The following SLC35C1 variants were observed in gnomAD, a reference collection of about 807,000 sequenced individuals.
SLC35C1 encodes the protein GDP-fucose transporter 1.
A neutral mutation model predicts 23.2 loss-of-function variants in SLC35C1; 8 were observed. The observed-to-expected ratio is 0.35, with a 90% CI of 0.20 to 0.62. SLC35C1 has a LOEUF of 0.62. Ranked by LOEUF, SLC35C1 falls within the 20% of genes least tolerant of loss-of-function variation. The probability of loss-of-function intolerance (pLI) is 0.75; values close to 1 mark genes in which losing one functional copy is unlikely to be tolerated. For missense variants in SLC35C1, 422 were observed against 478.6 expected (o/e 0.88, Z 1.10); for synonymous variants, 226 against 225.1 (o/e 1.00, Z -0.04).
Position 45,805,457 on chromosome 11 carries a change from C to T in SLC35C1, c.-345C>T. On this transcript the variant is annotated 5_prime_UTR_variant, in exon 1 of 2. Transcript: ENST00000314134. ...ACTCCTGCCCCGCCCTGCCATTCCT[C>T]TCCCCTCCCTTCTCTCTGCGACCCC... is the stretch of plus-strand genomic sequence containing the variant. The T allele has an allele frequency of 1.7e-6, 2 of 1,169,194 alleles. No homozygotes were observed. The highest frequency in any genetic ancestry group is 2.3e-5 in the South Asian group (1 of 43,840). 72.4% of individuals were successfully genotyped at this position (1,169,194 alleles called of 1,614,324 possible).
At position 45,811,164 on chromosome 11, in the gene SLC35C1, A is replaced by G. The variant is rs1489703407; in HGVS notation, c.924A>G (p.Thr308=). ...VSGTAKACAQ[T]VLAVLYYEET... ...GCACGGCCAAGGCCTGTGCCCAGAC[A>G]GTGCTGGCCGTGCTCTACTACGAGG... The change falls in exon 2 of 2, where the codon ACA becomes ACG. Residue 308 remains threonine, a synonymous_variant. Transcript: ENST00000314134. The G allele has an allele frequency of 2.5e-6, 4 of 1,611,826 alleles. No homozygotes were observed. The Admixed American group carries it at 6.7e-5, about 27-fold the overall frequency.
At position 45,805,602 on chromosome 11, in the gene SLC35C1, T is replaced by A. The variant is rs2085861187; in HGVS notation, c.-200T>A. 1 of 1,463,854 alleles carries A rather than the reference T, an allele frequency of 6.8e-7. No homozygotes were observed. Among genetic ancestry groups the A allele is most frequent in the Non-Finnish European group, 9.0e-7 (1 of 1,108,486 alleles). 90.7% of individuals were successfully genotyped at this position (1,463,854 alleles called of 1,614,324 possible). A position where few individuals can be genotyped will look rare whatever the true frequency, so the allele number is the denominator to read the frequency against. ...TCTCAGAGCCCCCTCGGGGTGGGAG[T>A]AGGTTGTGGAGCAGCACAACTGGGC... On this transcript the variant is annotated 5_prime_UTR_variant, in exon 1 of 2. It removes the in-frame stop codon of an upstream open reading frame in the 5' UTR. Transcript: ENST00000314134.
Position 45,806,341 on chromosome 11 carries a change from G to C in SLC35C1, c.535+5G>C. ...TCACCTGCGGTATCATCATCGGTGA[G>C]TGGCAGCTGGGGCCACGGGGGATAG... On this transcript the variant is annotated splice_donor_5th_base_variant and intron_variant, in intron 1 of 1. Transcript: ENST00000314134. 1 of 1,612,200 alleles carries C rather than the reference G, an allele frequency of 6.2e-7. No homozygotes were observed. The highest frequency in any genetic ancestry group is 8.5e-7 in the Non-Finnish European group (1 of 1,179,956).
upstream of SLC35C1, chr11:45,804,235 AC>A (rs1477397994): frequency 6.5e-6 from 1 of 152,916 alleles, no homozygotes. Flanking sequence ...TCCTCCCACG[AC>A]CGTCCGGATC....
chr11:45,812,903 C>T lies in SLC35C1; in HGVS notation c.*1568C>T, dbSNP rs150704136. The T allele has an allele frequency of 1.7e-3, 526 of 306,204 alleles. 4 individuals carry two copies. The highest frequency in any genetic ancestry group is 0.011 in the African/African-American group (492 of 46,416). 19.0% of individuals were successfully genotyped at this position (306,204 alleles called of 1,614,324 possible). On this transcript the variant is annotated 3_prime_UTR_variant, in exon 2 of 2. Coordinates refer to ENST00000314134, the MANE Select transcript of SLC35C1 (RefSeq NM_018389.5). The stretch of plus-strand genomic sequence containing the variant: ...CTATATAGTGAAAAGCTAGGGAGAG[C>T]GGGTCTTCTCCCCCCTCCCTCTCCA...
intron 1 of SLC35C1, chr11:45,806,953 C>T (rs2085884672): frequency 3.8e-5 from 37 of 963,380 alleles, no homozygotes; most frequent in Non-Finnish European, 4.4e-5. Flanking sequence ...CTTTGAGAGG[C>T]CTCAGCTGTC....
upstream of SLC35C1, chr11:45,805,079 G>T: frequency 3.0e-6 from 3 of 985,798 alleles, no homozygotes; most frequent in South Asian, 4.7e-5. Flanking sequence ...GGCGGGGCGT[G>T]CGGGCCCTTT....
Position 45,805,190 on chromosome 11 carries a change from C to A in SLC35C1, c.-612C>A. On this transcript the variant is annotated 5_prime_UTR_variant, in exon 1 of 2. Transcript: ENST00000314134. ...CTCCTGGGCTGAGCCGGCGACAGAG[C>A]CCGGGAAGGCAGCGAGACGTGGGCG... 1.0e-6 allele frequency: 1 copy of A among 991,678 alleles called. No individual in the cohort carries two copies. Among genetic ancestry groups the A allele is most frequent in the Non-Finnish European group, 1.2e-6 (1 of 833,254 alleles). 61.4% of individuals were successfully genotyped at this position (991,678 alleles called of 1,614,324 possible). A position where few individuals can be genotyped will look rare whatever the true frequency, so the allele number is the denominator to read the frequency against.
chr11:45,805,017 G>C, upstream of SLC35C1: 1 of 985,812 alleles, frequency 1.0e-6, no homozygotes. Context: ...CGCAGGGGCG[G>C]GGCTGGGGAC....
chr11:45,809,888 C>G, intron 1 of SLC35C1: 1 of 985,424 alleles, frequency 1.0e-6, no homozygotes, highest in Non-Finnish European at 1.2e-6. Context: ...CCAGAGCAGG[C>G]AAGGGGCTTT....
chr11:45,810,813 A>G lies in SLC35C1; in HGVS notation c.573A>G (p.Glu191=), dbSNP rs1312871956. ...FWLGVDQEGA[E]GTLSWLGTVF... Reference sequence around the variant, plus strand: ...TTGGTGTGGACCAGGAGGGGGCAGAAGGCACCCTGTCGTGGCTGGGCACCG... The same window carrying G: ...TTGGTGTGGACCAGGAGGGGGCAGAGGGCACCCTGTCGTGGCTGGGCACCG... The change falls in exon 2 of 2, where the codon GAA becomes GAG. Residue 191 remains glutamate, a synonymous_variant. Coordinates refer to ENST00000314134, the MANE Select transcript of SLC35C1 (RefSeq NM_018389.5). The G allele has an allele frequency of 1.9e-6, 3 of 1,612,848 alleles. No homozygotes were observed. In the African/African-American group the frequency reaches 4.0e-5, roughly 22 times the overall value.
Position 45,811,186 on chromosome 11 carries a change from G to C in SLC35C1, c.946G>C (p.Glu316Gln). The C allele has an allele frequency of 1.9e-6, 3 of 1,612,042 alleles. No homozygotes were observed. The highest frequency in any genetic ancestry group is 2.5e-6 in the Non-Finnish European group (3 of 1,179,746). ...AQTVLAVLYY[E>Q]ETKSFLWWTS... ...GACAGTGCTGGCCGTGCTCTACTAC[G>C]AGGAGACCAAGAGCTTCCTCTGGTG... The change falls in exon 2 of 2, where the codon GAG becomes CAG. Residue 316 changes from glutamate to glutamine, a missense_variant. By Grantham distance (29) the Glu-to-Gln change is conservative. Coordinates refer to ENST00000314134, the MANE Select transcript of SLC35C1 (RefSeq NM_018389.5).
At chr11:45,804,698 A>C, upstream of SLC35C1, 1 of 985,284 alleles carries the variant, frequency 1.0e-6, no homozygotes, top group South Asian at 4.7e-5. Context: ...ATGGGGGGAA[A>C]GGAGGGGACC....
chr11:45,809,811 T>C (rs755566686), intron 1 of SLC35C1: 19 of 985,336 alleles, frequency 1.9e-5, no homozygotes, highest in Non-Finnish European at 2.0e-5. Context: ...GTTCAGCCCC[T>C]GGCTTCTGGG....
intron 1 of SLC35C1, among the ~76,000 whole-genome samples, chr11:45,808,653 A>G (rs1187569290): frequency 6.6e-6 from 1 of 152,130 alleles, no homozygotes; most frequent in Non-Finnish European, 1.5e-5. Context: ...CCCTACCCCC[A>G]GCAGGTCTGT....
In SLC35C1 at chr11:45,805,335, G is replaced by GGGCCCC; in HGVS notation, c.-467_-466insGGCCCC. ...GCTCCCTGTACGCCTCCCTCCCCCT[G>GGGCCCC]CCCGCCCCTCCCTCCCACAGCCGCC... is the stretch of plus-strand genomic sequence containing the variant. On this transcript the variant is annotated 5_prime_UTR_variant, in exon 1 of 2. Transcript: ENST00000314134. 65 of 566,104 alleles carry GGGCCCC rather than the reference G, an allele frequency of 1.1e-4. No individual in the cohort carries two copies. Among genetic ancestry groups the GGGCCCC allele is most frequent in the South Asian group, 1.6e-4 (2 of 12,562 alleles). 35.1% of individuals were successfully genotyped at this position (566,104 alleles called of 1,614,324 possible). A position where few individuals can be genotyped will look rare whatever the true frequency, so the allele number is the denominator to read the frequency against.
rs2085857777 is a variant in SLC35C1 at position 45,805,347 on chromosome 11, C to G, written c.-455C>G. ...CCTCCCTCCCCCTGCCCGCCCCTCCCTCCCACAGCCGCCCATGACGCCCTC... is the reference window on the plus strand; with the variant it reads ...CCTCCCTCCCCCTGCCCGCCCCTCCGTCCCACAGCCGCCCATGACGCCCTC... On this transcript the variant is annotated 5_prime_UTR_variant, in exon 1 of 2. Transcript: ENST00000314134. 5 of 997,726 alleles carry G rather than the reference C, an allele frequency of 5.0e-6. No homozygotes were observed. The highest frequency in any genetic ancestry group is 4.8e-6 in the Non-Finnish European group (4 of 837,022). The allele number at this position is 997,726 out of a possible 1,614,324, so 61.8% of individuals were successfully genotyped here.
In SLC35C1 at chr11:45,806,010, T is replaced by G; in HGVS notation, c.209T>G (p.Leu70Arg). Reference sequence around the variant, plus strand: ...CTGCTGGACAGCCCCTCCCTGCGGCTGGACACCCCCATCTTCGTCACCTTC... The same window carrying G: ...CTGCTGGACAGCCCCTCCCTGCGGCGGGACACCCCCATCTTCGTCACCTTC... ...KYLLDSPSLR[L>R]DTPIFVTFYQ... Residue 70 changes from leucine (L) to arginine (R), a missense_variant, in exon 1 of 2, where the codon CTG becomes CGG. Physicochemically the swap from Leu to Arg is moderately radical, Grantham distance 102. Coordinates refer to ENST00000314134, the MANE Select transcript of SLC35C1 (RefSeq NM_018389.5). The G allele has an allele frequency of 6.2e-7, 1 of 1,614,094 alleles. No individual in the cohort carries two copies. Among genetic ancestry groups the G allele is most frequent in the Middle Eastern group, 1.6e-4 (1 of 6,062 alleles).
upstream of SLC35C1, chr11:45,804,922 A>G (rs1016895571): frequency 1.0e-5 from 10 of 985,280 alleles, no homozygotes; most frequent in Admixed American, 1.2e-4. Flanking sequence ...AGGTTGATGG[A>G]GCCCTTCCAG....
Sources: allele counts gnomAD v4.1 joint callset (sites outside exome capture counted in the v4.1 genomes callset), GRCh38; gene constraint gnomAD v4.1.1; transcripts MANE v1.5; gene names NCBI Gene and HGNC (gene_info 2026-07-23, HGNC 2026-07-21).